The following SLC10A7 variants were observed in gnomAD, a reference collection of about 807,000 sequenced individuals.
SLC10A7 encodes the protein sodium/bile acid cotransporter 7.
SLC10A7 carries 29 observed loss-of-function variants against 43.2 expected under a neutral mutation model. The observed-to-expected ratio is 0.67, with a 90% CI of 0.50 to 0.92. The LOEUF is 0.92. SLC10A7 is among the 40% of genes least tolerant of loss of function. The pLI, the probability that SLC10A7 is intolerant of heterozygous loss-of-function variation, is 0.00. For missense variants in SLC10A7, 295 were observed against 403.2 expected, an observed-to-expected ratio of 0.73 and a Z score of 2.30; for synonymous variants, 152 against 144.8, an observed-to-expected ratio of 1.05 and a Z score of -0.35.
chr4:146,425,526 A>C (rs1729276489), intron 5 of SLC10A7, among the ~76,000 whole-genome samples: 1 of 152,206 alleles, frequency 6.6e-6, no homozygotes, highest in Non-Finnish European at 1.5e-5. Flanking sequence ...TGGCTTGTGG[A>C]CACCATATTG....
chr4:146,460,811 A>T (rs925427632), intron 4 of SLC10A7, among the ~76,000 whole-genome samples: 1 of 152,034 alleles, frequency 6.6e-6, no homozygotes, highest in Admixed American at 6.6e-5. Context: ...TCTATAAATT[A>T]TATACACAAA....
At chr4:146,408,089 T>C (rs868323039) in intron 5 of SLC10A7, among the ~76,000 whole-genome samples, 2 of 152,282 alleles carry the variant, frequency 1.3e-5, no homozygotes, top group Non-Finnish European at 1.5e-5. Context: ...GAAAGTCAGC[T>C]GAGAGCCTCC....
intron 5 of SLC10A7, among the ~76,000 whole-genome samples, chr4:146,440,650 G>C (rs926989693): frequency 2.0e-5 from 3 of 151,964 alleles, no homozygotes; most frequent in African/African-American, 4.8e-5. Flanking sequence ...ATAATCCTAG[G>C]TTGTTGTAAC....
Position 146,458,442 on chromosome 4 carries a change from T to G in SLC10A7, c.397-15621A>C, listed in dbSNP as rs571341747. Among the ~76,000 whole-genome samples, 4 of 151,944 alleles carry G rather than the reference T, an allele frequency of 2.6e-5. No homozygotes were observed. In the East Asian group the frequency reaches 7.7e-4, roughly 29 times the overall value. On this transcript the variant is annotated intron_variant, in intron 4 of 11. Transcript: ENST00000335472. ...TCTTATTACTACGTCTATCCAATCT[T>G]GGCCTTGTCAAAGTAAAATAAAATG...
intron 4 of SLC10A7, among the ~76,000 whole-genome samples, chr4:146,496,769 G>A (rs1486509343): frequency 6.6e-6 from 1 of 152,128 alleles, no homozygotes; most frequent in East Asian, 1.9e-4. Flanking sequence ...AAAACTTCGG[G>A]TAAATAAATT....
At chr4:146,498,515 A>C (rs746796017) in intron 4 of SLC10A7, among the ~76,000 whole-genome samples, 2 of 152,146 alleles carry the variant, frequency 1.3e-5, no homozygotes, top group African/African-American at 4.8e-5. Flanking sequence ...GTCAAAGCAC[A>C]CTCTACAACT....
intron 5 of SLC10A7, among the ~76,000 whole-genome samples, chr4:146,407,123 T>C (rs758024807): frequency 4.4e-4 from 67 of 152,200 alleles, no homozygotes; most frequent in Non-Finnish European, 6.9e-4. Flanking sequence ...GGATATCTCA[T>C]TGTACATAGA....
At chr4:146,285,211 T>G (rs1464546218) in intron 9 of SLC10A7, among the ~76,000 whole-genome samples, 1 of 152,076 alleles carries the variant, frequency 6.6e-6, no homozygotes, top group African/African-American at 2.4e-5. Context: ...GTTGGGACAG[T>G]AGAATGACAT....
chr4:146,415,795 T>A (rs1177650067), intron 5 of SLC10A7, among the ~76,000 whole-genome samples: 1 of 152,216 alleles, frequency 6.6e-6, no homozygotes, highest in East Asian at 1.9e-4. Context: ...ATTAAAAATA[T>A]CTACCACAAA....
rs1450208024 is a variant in SLC10A7, at chr4:146,434,724, T to C, written c.435+8059A>G. On this transcript the variant is annotated intron_variant, in intron 5 of 11. Coordinates refer to ENST00000335472, the MANE Select transcript of SLC10A7 (RefSeq NM_001029998.6). ...GATTACAGGCATGTGCCACCATGCCTGGCTAATTTTTGTATTTTTAGTAGA... is the reference window on the plus strand; with the variant it reads ...GATTACAGGCATGTGCCACCATGCCCGGCTAATTTTTGTATTTTTAGTAGA... 2.0e-5 allele frequency among the ~76,000 whole-genome samples: 3 copies of C among 152,212 alleles called. No individual in the cohort carries two copies. The East Asian group carries it at 5.8e-4, about 29-fold the overall frequency.
intron 5 of SLC10A7, among the ~76,000 whole-genome samples, chr4:146,347,957 A>G (rs1358862741): frequency 3.9e-5 from 6 of 152,236 alleles, no homozygotes; most frequent in African/African-American, 1.4e-4. Flanking sequence ...ATTTTAAAAA[A>G]GCACTTGAAA....
At chr4:146,399,722 C>T (rs1431642591) in intron 5 of SLC10A7, among the ~76,000 whole-genome samples, 1 of 151,914 alleles carries the variant, frequency 6.6e-6, no homozygotes, top group African/African-American at 2.4e-5. Context: ...TTTAAGACCA[C>T]GTAACGGGGA....
At chr4:146,432,668 T>C (rs2149872588) in intron 5 of SLC10A7, among the ~76,000 whole-genome samples, 1 of 152,292 alleles carries the variant, frequency 6.6e-6, no homozygotes, top group South Asian at 2.1e-4. Flanking sequence ...ATTGAGATGG[T>C]TGCTATGTGA....
intron 4 of SLC10A7, among the ~76,000 whole-genome samples, chr4:146,459,103 CACAA>C (rs568522197): frequency 2.7e-4 from 41 of 151,770 alleles, no homozygotes; most frequent in Admixed American, 1.1e-3. Context: ...AAATATTTTT[CACAA>C]ACAGTTTAAA....
At chr4:146,363,667 A>G (rs971019937) in intron 5 of SLC10A7, among the ~76,000 whole-genome samples, 2 of 152,162 alleles carry the variant, frequency 1.3e-5, no homozygotes, top group Non-Finnish European at 2.9e-5. Flanking sequence ...TCTGACCACA[A>G]TGGAATAAAA....
At chr4:146,455,471 G>A (rs1345169384) in intron 4 of SLC10A7, among the ~76,000 whole-genome samples, 1 of 151,804 alleles carries the variant, frequency 6.6e-6, no homozygotes, top group Non-Finnish European at 1.5e-5. Flanking sequence ...TGTTTCTTAC[G>A]AATTTTAGAC....
intron 4 of SLC10A7, among the ~76,000 whole-genome samples, chr4:146,499,161 G>GA (rs1736180190): frequency 6.6e-6 from 1 of 151,982 alleles, no homozygotes; most frequent in African/African-American, 2.4e-5. Flanking sequence ...TGTGAAAAAG[G>GA]TGATAACACA....
chr4:146,330,860 C>A (rs1309889784), intron 5 of SLC10A7, among the ~76,000 whole-genome samples: 1 of 152,048 alleles, frequency 6.6e-6, no homozygotes, highest in Non-Finnish European at 1.5e-5. Context: ...CTGAAGCTTT[C>A]TCATGAAGAG....
intron 5 of SLC10A7, among the ~76,000 whole-genome samples, chr4:146,386,005 C>T (rs1396935372): frequency 6.6e-6 from 1 of 152,118 alleles, no homozygotes; most frequent in African/African-American, 2.4e-5. Flanking sequence ...TAAGTTGATT[C>T]CATGTTTTTG....
Sources: allele counts gnomAD v4.1 joint callset (sites outside exome capture counted in the v4.1 genomes callset), GRCh38; gene constraint gnomAD v4.1.1; transcripts MANE v1.5; gene names NCBI Gene and HGNC (gene_info 2026-07-23, HGNC 2026-07-21).